CDC14B: variants seen among roughly 807,000 people sequenced by gnomAD.
CDC14B encodes cell division cycle 14B.
CDC14B carries 22 observed loss-of-function variants against 64.2 expected under a neutral mutation model. That is an observed-to-expected ratio of 0.34 (90% CI 0.24 to 0.49). CDC14B has a LOEUF of 0.49. Among genes scored for constraint, CDC14B ranks in the 20% least tolerant of loss-of-function variants. CDC14B has a pLI of 0.99. For synonymous variants in CDC14B, 191 were observed against 215.8 expected (o/e 0.89, Z 1.01); for missense variants, 498 against 629.9 (o/e 0.79, Z 2.24).
At chr9:96,540,412 CGCTTGA>C (rs1839883004) in intron 6 of CDC14B, among the ~76,000 whole-genome samples, 1 of 152,018 alleles carries the variant, frequency 6.6e-6, no homozygotes, top group Admixed American at 6.6e-5. Context: ...GTGAGTGGAT[CGCTTGA>C]GCTCAGGAGT....
chr9:96,527,906 T>C (rs1289385278), intron 9 of CDC14B, among the ~76,000 whole-genome samples: 2 of 151,948 alleles, frequency 1.3e-5, no homozygotes. Flanking sequence ...TGAGCCACCG[T>C]GCCCAGCCAA....
intron 1 of CDC14B, among the ~76,000 whole-genome samples, chr9:96,604,615 C>A (rs141001557): frequency 2.0e-5 from 3 of 151,438 alleles, no homozygotes; most frequent in Non-Finnish European, 4.4e-5. Flanking sequence ...CCCGACCTCA[C>A]GTAATCCACC....
intron 1 of CDC14B, among the ~76,000 whole-genome samples, chr9:96,596,557 G>T (rs1248234618): frequency 6.6e-6 from 1 of 151,944 alleles, no homozygotes; most frequent in African/African-American, 2.4e-5. Flanking sequence ...AAAGAGAAGG[G>T]AAAACAATAC....
chr9:96,508,527 CA>C (rs1834477112), intron 13 of CDC14B, among the ~76,000 whole-genome samples: 2 of 152,314 alleles, frequency 1.3e-5, no homozygotes, highest in South Asian at 4.1e-4. Flanking sequence ...CAAGAAGAAT[CA>C]AACAGTAAAG....
At chr9:96,498,503 G>A (rs147302378), downstream of CDC14B, among the ~76,000 whole-genome samples, 324 of 152,290 alleles carry the variant, frequency 2.1e-3, 4 homozygotes, top group Admixed American at 4.6e-4. Context: ...AACCACTCTC[G>A]AGACTTAGCT....
rs112894681 is a variant in CDC14B, at chr9:96,591,742, T to G, written c.161-26259A>C. Among the ~76,000 whole-genome samples the G allele has an allele frequency of 6.7e-3, 1,012 of 151,422 alleles. 18 individuals are homozygous for G. Among genetic ancestry groups the G allele is most frequent in the African/African-American group, 0.023 (957 of 40,764 alleles). On this transcript the variant is annotated intron_variant, in intron 1 of 13. Coordinates refer to ENST00000375241, the MANE Select transcript of CDC14B (RefSeq NM_033331.4). Reference sequence around the variant, plus strand: ...CAAGATGTCTTTCCATTTATTTGTGTCTTTAATTTCTTTTTTTTTTTGAGA... The same window carrying G: ...CAAGATGTCTTTCCATTTATTTGTGGCTTTAATTTCTTTTTTTTTTTGAGA...
chr9:96,600,887 A>G (rs1485194883), intron 1 of CDC14B, among the ~76,000 whole-genome samples: 28 of 152,082 alleles, frequency 1.8e-4, no homozygotes, highest in Non-Finnish European at 1.5e-5. Flanking sequence ...AAAATTCTCT[A>G]CCCAATGTTA....
rs755020620 is a variant in CDC14B at position 96,509,803 on chromosome 9, GA to G, written c.1344-15del. On this transcript the variant is annotated splice_polypyrimidine_tract_variant and intron_variant, in intron 12 of 13. Coordinates refer to ENST00000375241, the MANE Select transcript of CDC14B (RefSeq NM_033331.4). The stretch of plus-strand genomic sequence containing the variant: ...TGAAGAATTACTCTGAAAATAGTTG[GA>G]AAAAAATAAGATTATATTCACTGAA... 2 of 1,494,632 alleles carry G rather than the reference GA, an allele frequency of 1.3e-6. No individual in the cohort carries two copies. Among genetic ancestry groups the G allele is most frequent in the Non-Finnish European group, 1.9e-6 (2 of 1,078,608 alleles). 92.6% of individuals were successfully genotyped at this position (1,494,632 alleles called of 1,614,324 possible).
chr9:96,533,967 G>T lies in CDC14B; in HGVS notation c.906C>A (p.Ile302=). 6.2e-7 allele frequency: 1 copy of T among 1,612,968 alleles called. No homozygotes were observed. The highest frequency in any genetic ancestry group is 1.7e-4 in the Middle Eastern group (1 of 6,056). The change falls in exon 9 of 14, where the codon ATC becomes ATA. Residue 302 remains isoleucine, a synonymous_variant. Transcript: ENST00000375241. ...CAATGGCACCCTCAGCATTTTCACA[G>T]ATATCTAGGAATTCTTTGACAATGG... is the stretch of plus-strand genomic sequence containing the variant. The part of the protein sequence containing the change: ...TDAIVKEFLD[I]CENAEGAIAV...
intron 2 of CDC14B, 44 bp downstream of exon 2, chr9:96,565,349 C>T (rs1489400731): frequency 7.3e-6 from 9 of 1,235,258 alleles, no homozygotes; most frequent in Non-Finnish European, 1.1e-5. Flanking sequence ...CCTTTAGATT[C>T]TTCAAAAACA....
intron 4 of CDC14B, among the ~76,000 whole-genome samples, chr9:96,553,770 T>C (rs958701014): frequency 6.6e-5 from 10 of 152,168 alleles, no homozygotes; most frequent in Non-Finnish European, 8.8e-5. Context: ...CTCCGATGCA[T>C]GTATGCCTCT....
chr9:96,547,098 G>C (rs1336844676), intron 5 of CDC14B, among the ~76,000 whole-genome samples: 2 of 151,740 alleles, frequency 1.3e-5, no homozygotes, highest in African/African-American at 4.8e-5. Flanking sequence ...ACTTAAAAGG[G>C]GGAAGGTTGG....
intron 2 of CDC14B, 41 bp downstream of exon 2, chr9:96,565,352 C>A: frequency 7.7e-7 from 1 of 1,306,098 alleles, no homozygotes; most frequent in Non-Finnish European, 1.1e-6. Flanking sequence ...TTAGATTCTT[C>A]AAAAACAAAA....
chr9:96,534,550 G>C lies in CDC14B; in HGVS notation c.628-8C>G, dbSNP rs1210828801. On this transcript the variant is annotated splice_region_variant and splice_polypyrimidine_tract_variant and intron_variant, in intron 7 of 13. Coordinates refer to ENST00000375241, the MANE Select transcript of CDC14B (RefSeq NM_033331.4). ...ATCTCCATTTTCTGCTTTCTGCAAGGGGAAGACCAGCACAATTCGTTTTTA... is the reference window on the plus strand; with the variant it reads ...ATCTCCATTTTCTGCTTTCTGCAAGCGGAAGACCAGCACAATTCGTTTTTA... The C allele has an allele frequency of 6.3e-7, 1 of 1,588,208 alleles. No individual in the cohort carries two copies. The highest frequency in any genetic ancestry group is 1.1e-5 in the South Asian group (1 of 90,402).
chr9:96,528,337 C>T (rs1837900447), intron 9 of CDC14B, among the ~76,000 whole-genome samples: 2 of 152,208 alleles, frequency 1.3e-5, no homozygotes, highest in South Asian at 4.1e-4. Context: ...GCCTGGCCAA[C>T]ATGGTGAAAC....
At position 96,500,191 on chromosome 9, in the gene CDC14B, C is replaced by T. The variant is rs1833432134; in HGVS notation, c.*3562G>A. On this transcript the variant is annotated 3_prime_UTR_variant, in exon 14 of 14. Transcript: ENST00000375241. ...ATATTTTGTATAAAACCAGTTACAA[C>T]CCACAAGATTTTCAAATGTGACAAT... 1 of 152,632 alleles carries T rather than the reference C, an allele frequency of 6.6e-6. No homozygotes were observed. Among genetic ancestry groups the T allele is most frequent in the Admixed American group, 6.5e-5 (1 of 15,290 alleles). 9.5% of individuals were successfully genotyped at this position (152,632 alleles called of 1,614,324 possible).
intron 1 of CDC14B, among the ~76,000 whole-genome samples, chr9:96,598,219 A>G (rs964983503): frequency 6.6e-5 from 10 of 152,242 alleles, no homozygotes; most frequent in Non-Finnish European, 1.2e-4. Context: ...CAGAAACTCA[A>G]CCTATACTCA....
At chr9:96,495,874 C>G (rs1466183341), downstream of CDC14B, among the ~76,000 whole-genome samples, 1 of 152,154 alleles carries the variant, frequency 6.6e-6, no homozygotes, top group Non-Finnish European at 1.5e-5. Flanking sequence ...TCCGGGGGTG[C>G]CTTCCACACG....
chr9:96,576,526 A>G (rs752297922), intron 1 of CDC14B, among the ~76,000 whole-genome samples: 23 of 148,596 alleles, frequency 1.5e-4, no homozygotes, highest in Admixed American at 1.4e-4. Flanking sequence ...CCAGATACTC[A>G]GGAAGCTGAG....
Sources: gnomAD v4.1 joint callset for allele counts (sites outside exome capture counted in the v4.1 genomes callset) on GRCh38, gnomAD v4.1.1 for gene constraint, MANE v1.5 for transcripts, NCBI Gene and HGNC (gene_info 2026-07-23, HGNC 2026-07-21) for gene names.